RANBP2: variants seen among roughly 807,000 people sequenced by gnomAD.
RANBP2 encodes the protein RAN binding protein 2.
RANBP2 carries 57 observed loss-of-function variants against 303.6 expected under a neutral mutation model. The observed-to-expected ratio is 0.19, with a 90% CI of 0.15 to 0.23. The LOEUF (loss-of-function observed/expected upper bound fraction) is 0.23. RANBP2 is among the 10% of genes least tolerant of loss of function. The pLI is 1.00. For missense variants in RANBP2, 3,138 were observed against 3,780.8 expected, an observed-to-expected ratio of 0.83 and a Z score of 4.46; for synonymous variants, 1,167 against 1,301.5, an observed-to-expected ratio of 0.90 and a Z score of 2.23.
At chr2:108,938,868 C>T in the RANBP2 span, among the ~76,000 whole-genome samples, 3 of 150,938 alleles carry the variant, frequency 2.0e-5, no homozygotes, top group Non-Finnish European at 3.0e-5. Flanking sequence ...CAACCTCCAC[C>T]TCCTGGGTTC....
the RANBP2 span, among the ~76,000 whole-genome samples, chr2:108,960,098 C>G: frequency 6.6e-6 from 1 of 152,136 alleles, no homozygotes; most frequent in South Asian, 2.1e-4. Context: ...CCCTGCACAC[C>G]CTGTGGCTGG....
chr2:109,021,502 G>A, the RANBP2 span, among the ~76,000 whole-genome samples: 1 of 140,698 alleles, frequency 7.1e-6, no homozygotes, highest in Non-Finnish European at 1.5e-5. Flanking sequence ...CAGCCTGGGC[G>A]ACAGAGAGAG....
the RANBP2 span, among the ~76,000 whole-genome samples, chr2:109,022,651 A>G: frequency 2.6e-5 from 4 of 152,180 alleles, no homozygotes; most frequent in African/African-American, 7.2e-5. Flanking sequence ...AAAGGGTATC[A>G]CACATGCTAT....
At chr2:109,298,064 C>T in the RANBP2 span, among the ~76,000 whole-genome samples, 2 of 152,190 alleles carry the variant, frequency 1.3e-5, no homozygotes, top group Non-Finnish European at 1.5e-5. Context: ...GGATGTTCTG[C>T]ACTGGAGGTG....
chr2:108,759,168 A>G (rs1051394066), intron 18 of RANBP2, among the ~76,000 whole-genome samples: 4 of 151,880 alleles, frequency 2.6e-5, no homozygotes, highest in African/African-American at 9.7e-5. Flanking sequence ...TAAACAGTTA[A>G]TGAACTAAGG....
At position 108,763,464 on chromosome 2, in the gene RANBP2, G is replaced by A. The variant is rs201082662; in HGVS notation, c.2925G>A (p.Leu975=). Residue 975 remains leucine (L), a synonymous_variant, in exon 20 of 29, where the codon TTG becomes TTA. Coordinates refer to ENST00000283195, the MANE Select transcript of RANBP2 (RefSeq NM_006267.5). ...AACAGACAAGCACAAATCCACCTTT[G>A]CCAGAACCAGGATATTTCACAAAAC... The part of the protein sequence containing the change: ...NVQQTSTNPP[L]PEPGYFTKPP... 4 of 1,614,034 alleles carry A rather than the reference G, an allele frequency of 2.5e-6. No homozygotes were observed. Among genetic ancestry groups the A allele is most frequent in the East Asian group, 4.5e-5 (2 of 44,872 alleles).
In RANBP2 at chr2:108,719,484, A is replaced by T; in HGVS notation, c.-123A>T. 2 of 1,485,426 alleles carry T rather than the reference A, an allele frequency of 1.3e-6. No individual in the cohort carries two copies. The highest frequency in any genetic ancestry group is 2.4e-5 in the South Asian group (2 of 82,330). The allele number at this position is 1,485,426 out of a possible 1,614,324, so 92.0% of individuals were successfully genotyped here. ...GCCGGCTGCGCCGCAAGTTCGTCACAGTGGTCCTCCGCCGGCTACGGCGCT... is the reference window on the plus strand; with the variant it reads ...GCCGGCTGCGCCGCAAGTTCGTCACTGTGGTCCTCCGCCGGCTACGGCGCT... On this transcript the variant is annotated 5_prime_UTR_variant, in exon 1 of 29. Transcript: ENST00000283195.
chr2:109,298,626 A>C, the RANBP2 span, among the ~76,000 whole-genome samples: 1 of 152,072 alleles, frequency 6.6e-6, no homozygotes, highest in African/African-American at 2.4e-5. Context: ...GGTGTCAGTC[A>C]AATGCTCCTC....
Position 108,753,881 on chromosome 2 carries a change from A to G in RANBP2, c.2112A>G (p.Gln704=). Residue 704 remains glutamine (Q), a synonymous_variant, in exon 15 of 29, where the codon CAA becomes CAG. Transcript: ENST00000283195. ...IENDALSPEE[Q]EECKNYLRKT... ...ATGATGCCCTTTCTCCTGAAGAACA[A>G]GAAGAATGCAAAAATTATCTGAGAA... 5 of 1,612,048 alleles carry G rather than the reference A, an allele frequency of 3.1e-6. No homozygotes were observed. Among genetic ancestry groups the G allele is most frequent in the Non-Finnish European group, 4.2e-6 (5 of 1,179,866 alleles).
the RANBP2 span, among the ~76,000 whole-genome samples, chr2:109,648,216 G>A: frequency 6.6e-6 from 1 of 152,174 alleles, no homozygotes; most frequent in East Asian, 1.9e-4. Flanking sequence ...TGTGAACACC[G>A]AACCACTGAA....
chr2:109,003,601 G>A, the RANBP2 span, among the ~76,000 whole-genome samples: 1 of 151,934 alleles, frequency 6.6e-6, no homozygotes, highest in Non-Finnish European at 1.5e-5. Flanking sequence ...AGTGGAGATG[G>A]GGTTTCATAA....
chr2:109,240,216 G>C, the RANBP2 span, among the ~76,000 whole-genome samples: 1 of 152,202 alleles, frequency 6.6e-6, no homozygotes, highest in African/African-American at 2.4e-5. Context: ...AATCAGGGTT[G>C]AAGCCAGGCA....
At chr2:108,945,762 T>C in the RANBP2 span, among the ~76,000 whole-genome samples, 2 of 152,220 alleles carry the variant, frequency 1.3e-5, no homozygotes, top group Non-Finnish European at 2.9e-5. Flanking sequence ...TGCTACAGTA[T>C]GCATGAACCT....
At chr2:108,939,997 C>T in the RANBP2 span, among the ~76,000 whole-genome samples, 7 of 152,208 alleles carry the variant, frequency 4.6e-5, no homozygotes, top group South Asian at 2.1e-4. Context: ...AAAACAAGAA[C>T]GTAATCCTTA....
chr2:108,951,828 C>G, the RANBP2 span, among the ~76,000 whole-genome samples: 3 of 152,186 alleles, frequency 2.0e-5, no homozygotes, highest in African/African-American at 7.2e-5. Flanking sequence ...ACTATCTTCT[C>G]AAATCACAGT....
At chr2:108,782,990 A>C in intron 28 of RANBP2, 128 bp downstream of exon 28, 1 of 813,678 alleles carries the variant, frequency 1.2e-6, no homozygotes, top group South Asian at 1.6e-5. Context: ...TTTTCCACAC[A>C]TGGAATCACA....
the RANBP2 span, among the ~76,000 whole-genome samples, chr2:108,922,753 C>T: frequency 2.0e-5 from 3 of 152,094 alleles, no homozygotes; most frequent in African/African-American, 4.8e-5. Context: ...TACCTGCCTC[C>T]GTCTCTCCCC....
At chr2:109,175,154 C>T in the RANBP2 span, among the ~76,000 whole-genome samples, 6 of 152,232 alleles carry the variant, frequency 3.9e-5, no homozygotes, top group South Asian at 2.1e-4. Flanking sequence ...GGGACCTAGT[C>T]CTGGTCCAGA....
At chr2:109,545,851 T>A in the RANBP2 span, 1 of 1,440,536 alleles carries the variant, frequency 6.9e-7, no homozygotes, top group Non-Finnish European at 9.1e-7. Context: ...ACACATAACA[T>A]GTGCCAGGTG....
Sources: allele counts gnomAD v4.1 joint callset (sites outside exome capture counted in the v4.1 genomes callset), GRCh38; gene constraint gnomAD v4.1.1; transcripts MANE v1.5; gene names NCBI Gene and HGNC (gene_info 2026-07-23, HGNC 2026-07-21).